Variants in ARHGEF28 observed in about 807,000 individuals in gnomAD.
ARHGEF28 encodes 190 kDa guanine nucleotide exchange factor.
ARHGEF28 carries 152 observed loss-of-function variants against 206.6 expected under a neutral mutation model. The observed-to-expected ratio is 0.74, with a 90% CI of 0.64 to 0.84. The LOEUF is 0.84. Ranked by LOEUF, ARHGEF28 falls within the 40% of genes least tolerant of loss-of-function variation. The pLI, the probability that ARHGEF28 is intolerant of heterozygous loss-of-function variation, is 0.00. For missense variants in ARHGEF28, 2,028 were observed against 2,073.2 expected (o/e 0.98, Z 0.42); for synonymous variants, 763 against 776.4 (o/e 0.98, Z 0.29).
intron 2 of ARHGEF28, among the ~76,000 whole-genome samples, chr5:73,699,772 A>C (rs1362250428): frequency 2.6e-5 from 4 of 152,248 alleles, no homozygotes; most frequent in African/African-American, 9.6e-5. Flanking sequence ...TTTTGAGAAC[A>C]GACAACCATG....
chr5:73,674,443 C>T (rs1475335598), intron 1 of ARHGEF28, among the ~76,000 whole-genome samples: 1 of 152,196 alleles, frequency 6.6e-6, no homozygotes, highest in Non-Finnish European at 1.5e-5. Context: ...TTTCTTTCCT[C>T]ATATGTAAAG....
At chr5:73,662,715 G>T (rs1240845095) in intron 1 of ARHGEF28, among the ~76,000 whole-genome samples, 1 of 152,062 alleles carries the variant, frequency 6.6e-6, no homozygotes, top group Non-Finnish European at 1.5e-5. Flanking sequence ...AAGTATTCAG[G>T]ATTTTATCTG....
At chr5:73,795,414 A>C (rs764658412) in intron 9 of ARHGEF28, 23 bp downstream of exon 9, 1 of 1,598,416 alleles carries the variant, frequency 6.3e-7, no homozygotes, top group Non-Finnish European at 8.6e-7. Flanking sequence ...GCTTTTACCT[A>C]TACTCGTAGG....
intron 17 of ARHGEF28, among the ~76,000 whole-genome samples, chr5:73,865,238 A>G (rs1759637406): frequency 1.3e-5 from 2 of 151,368 alleles, no homozygotes; most frequent in South Asian, 4.1e-4. Flanking sequence ...TCTGGGCCCC[A>G]ATTCCAGAAT....
chr5:73,679,532 A>G (rs1385589448), intron 1 of ARHGEF28, among the ~76,000 whole-genome samples: 3 of 147,352 alleles, frequency 2.0e-5, no homozygotes, highest in East Asian at 2.0e-4. Context: ...ACGCCACTGC[A>G]CTCCAGCCTG....
intron 29 of ARHGEF28, 101 bp downstream of exon 29, chr5:73,894,676 C>A: frequency 7.5e-7 from 1 of 1,335,598 alleles, no homozygotes; most frequent in Non-Finnish European, 1.0e-6. Context: ...GAGGATACAG[C>A]AGAACAAGAC....
intron 6 of ARHGEF28, 71 bp downstream of exon 6, chr5:73,776,767 G>A (rs1403656087): frequency 2.5e-5 from 35 of 1,424,222 alleles, no homozygotes; most frequent in Non-Finnish European, 3.1e-5. Flanking sequence ...TTCTTATTAT[G>A]AGAACAGTGT....
chr5:73,684,917 G>C, intron 2 of ARHGEF28, 33 bp downstream of exon 2: 1 of 1,608,888 alleles, frequency 6.2e-7, no homozygotes, highest in African/African-American at 1.3e-5. Flanking sequence ...TCAGGTCCAA[G>C]GGGCCCTTTC....
At chr5:73,629,986 G>A (rs1238065070) in intron 1 of ARHGEF28, among the ~76,000 whole-genome samples, 3 of 152,198 alleles carry the variant, frequency 2.0e-5, no homozygotes, top group Non-Finnish European at 4.4e-5. Context: ...GCTCTCCATA[G>A]TAGCCTGTTC....
intron 9 of ARHGEF28, among the ~76,000 whole-genome samples, chr5:73,821,413 G>A (rs553494910): frequency 4.6e-5 from 7 of 152,242 alleles, no homozygotes; most frequent in Admixed American, 6.5e-5. Context: ...TAGGGGAGCC[G>A]AAACACATAT....
intron 1 of ARHGEF28, among the ~76,000 whole-genome samples, chr5:73,650,781 TG>T (rs1744768632): frequency 6.6e-6 from 1 of 152,136 alleles, no homozygotes; most frequent in Non-Finnish European, 1.5e-5. Context: ...CCTAAGTAGC[TG>T]GGACCACAGG....
chr5:73,916,153 C>T (rs73762546), intron 35 of ARHGEF28, among the ~76,000 whole-genome samples: 8,431 of 152,000 alleles, frequency 0.055, 736 homozygotes, highest in African/African-American at 0.19. Context: ...AAACCTATGC[C>T]ATACTTAGTA....
At chr5:73,808,428 A>G (rs1755642128) in intron 9 of ARHGEF28, among the ~76,000 whole-genome samples, 1 of 152,176 alleles carries the variant, frequency 6.6e-6, no homozygotes. Context: ...GAGCTTATAA[A>G]GATCTTCATT....
At chr5:73,929,951 C>T (rs546383100) in intron 35 of ARHGEF28, among the ~76,000 whole-genome samples, 5 of 150,814 alleles carry the variant, frequency 3.3e-5, no homozygotes, top group South Asian at 4.3e-4. Flanking sequence ...TTCATACATG[C>T]GACACAAATT....
intron 22 of ARHGEF28, among the ~76,000 whole-genome samples, chr5:73,878,428 A>T (rs1005187011): frequency 7.2e-5 from 11 of 152,028 alleles, no homozygotes; most frequent in African/African-American, 2.4e-4. Flanking sequence ...ATTTACATTT[A>T]AAGTTAATAC....
chr5:73,724,716 A>G (rs995612820), intron 2 of ARHGEF28, among the ~76,000 whole-genome samples: 1 of 152,222 alleles, frequency 6.6e-6, no homozygotes, highest in Non-Finnish European at 1.5e-5. Context: ...AGATTCATCC[A>G]TTCGTTTCAT....
In ARHGEF28 at chr5:73,861,864, G is replaced by T. The variant is rs72772542; in HGVS notation, c.2048-2953G>T. Among the ~76,000 whole-genome samples the T allele has an allele frequency of 5.3e-3, 808 of 152,036 alleles. 5 individuals carry two copies. Among genetic ancestry groups the T allele is most frequent in the Non-Finnish European group, 9.2e-3 (625 of 67,986 alleles). On this transcript the variant is annotated intron_variant, in intron 16 of 35. Coordinates refer to ENST00000513042, the MANE Select transcript of ARHGEF28 (RefSeq NM_001177693.2). Reference sequence around the variant, plus strand: ...TTTCAAAATTTACAGTTACTTTTTGGCGGGGGGAGAGGGTGGTTTAAACTT... The same window carrying T: ...TTTCAAAATTTACAGTTACTTTTTGTCGGGGGGAGAGGGTGGTTTAAACTT...
intron 35 of ARHGEF28, among the ~76,000 whole-genome samples, chr5:73,914,664 T>C (rs148158320): frequency 6.6e-6 from 1 of 152,290 alleles, no homozygotes; most frequent in East Asian, 1.9e-4. Flanking sequence ...CCCAAAGTGT[T>C]GGGATTACAG....
intron 9 of ARHGEF28, among the ~76,000 whole-genome samples, chr5:73,800,709 C>T (rs2112496651): frequency 6.6e-6 from 1 of 152,160 alleles, no homozygotes; most frequent in South Asian, 2.1e-4. Context: ...CAGAAACAAA[C>T]AATAGGATAT....
Sources: allele counts gnomAD v4.1 joint callset (sites outside exome capture counted in the v4.1 genomes callset), GRCh38; gene constraint gnomAD v4.1.1; transcripts MANE v1.5; gene names NCBI Gene and HGNC (gene_info 2026-07-23, HGNC 2026-07-21).